The following SMURF2 variants were observed in gnomAD, a reference collection of about 807,000 sequenced individuals.
SMURF2 encodes E3 ubiquitin-protein ligase SMURF2.
Under a neutral mutation model 109.6 loss-of-function variants are expected in SMURF2, and 48 were observed. The ratio of observed to expected loss-of-function variants is 0.44; its 90% CI spans 0.35 to 0.56. The LOEUF (loss-of-function observed/expected upper bound fraction) is 0.56. Ranked by LOEUF, SMURF2 falls within the 20% of genes least tolerant of loss-of-function variation. The pLI, the probability that SMURF2 is intolerant of heterozygous loss-of-function variation, is 0.01. For missense variants in SMURF2, 575 were observed against 909.0 expected (o/e 0.63, Z 4.72); for synonymous variants, 288 against 317.1 (o/e 0.91, Z 0.97).
At chr17:64,653,575 C>T (rs1166054945) in intron 1 of SMURF2, among the ~76,000 whole-genome samples, 4 of 152,128 alleles carry the variant, frequency 2.6e-5, no homozygotes, top group Non-Finnish European at 5.9e-5. Context: ...ATCAGCTTCT[C>T]AGGTAGCTGA....
At chr17:64,649,019 G>A (rs547388083) in intron 1 of SMURF2, among the ~76,000 whole-genome samples, 4 of 152,180 alleles carry the variant, frequency 2.6e-5, no homozygotes, top group East Asian at 3.9e-4. Context: ...TTCACTGGAG[G>A]AAGAAAGTTA....
At chr17:64,651,743 T>C (rs1264185165) in intron 1 of SMURF2, among the ~76,000 whole-genome samples, 3 of 152,018 alleles carry the variant, frequency 2.0e-5, no homozygotes, top group African/African-American at 7.2e-5. Context: ...GGTAACACAG[T>C]GAGGCCCCAT....
intron 1 of SMURF2, among the ~76,000 whole-genome samples, chr17:64,628,672 TAAG>T (rs2144705051): frequency 6.6e-6 from 1 of 152,262 alleles, no homozygotes; most frequent in African/African-American, 2.4e-5. Flanking sequence ...ACTCTAACAC[TAAG>T]ACAACCAATG....
chr17:64,553,713 C>T (rs936414823), intron 15 of SMURF2, among the ~76,000 whole-genome samples: 2 of 151,980 alleles, frequency 1.3e-5, no homozygotes, highest in Admixed American at 1.3e-4. Flanking sequence ...TTTAATTGAC[C>T]GTCTTTCCCC....
chr17:64,645,850 AT>A (rs1300008678), intron 1 of SMURF2, among the ~76,000 whole-genome samples: 6 of 152,134 alleles, frequency 3.9e-5, no homozygotes, highest in African/African-American at 1.4e-4. Context: ...ACTATTACTT[AT>A]TGCTGGAATG....
chr17:64,553,117 T>C (rs1415904531), intron 15 of SMURF2, among the ~76,000 whole-genome samples: 9 of 152,180 alleles, frequency 5.9e-5, no homozygotes, highest in African/African-American at 2.2e-4. Context: ...TCTTTTACCC[T>C]CTTTCTCCTT....
At chr17:64,601,545 A>G (rs1555688574) in intron 2 of SMURF2, among the ~76,000 whole-genome samples, 2 of 152,210 alleles carry the variant, frequency 1.3e-5, no homozygotes. Flanking sequence ...AAATTTAAAA[A>G]TAACAGATGT....
Position 64,581,265 on chromosome 17 carries a change from A to G in SMURF2, c.570-274T>C, listed in dbSNP as rs960951486. Among the ~76,000 whole-genome samples, 6 of 152,166 alleles carry G rather than the reference A, an allele frequency of 3.9e-5. No individual in the cohort carries two copies. The highest frequency in any genetic ancestry group is 8.8e-5 in the Non-Finnish European group (6 of 68,030). ...ATCCATACGTATCTGTGGATGTGAG[A>G]CTGGCTTACAAAACACTGCTTGATC... On this transcript the variant is annotated intron_variant, in intron 7 of 18. Transcript: ENST00000262435. This position sits in a 1 kb window ranked among gnomAD's most constrained non-coding sequence, Gnocchi z 4.3.
chr17:64,581,087 TC>T lies in SMURF2; in HGVS notation c.570-97del, dbSNP rs1969573570. 1 of 1,085,812 alleles carries T rather than the reference TC, an allele frequency of 9.2e-7. No individual in the cohort carries two copies. Among genetic ancestry groups the T allele is most frequent in the East Asian group, 2.5e-5 (1 of 40,326 alleles). 67.3% of individuals were successfully genotyped at this position (1,085,812 alleles called of 1,614,324 possible). On this transcript the variant is annotated intron_variant, in intron 7 of 18. Coordinates refer to ENST00000262435, the MANE Select transcript of SMURF2 (RefSeq NM_022739.4). This position sits in a 1 kb window ranked among gnomAD's most constrained non-coding sequence, Gnocchi z 4.3. ...TATATACTGCAGTAACAACCACTTA[TC>T]ATGTCTGAAAACAGAATGACTAATA... is the stretch of plus-strand genomic sequence containing the variant.
intron 11 of SMURF2, 100 bp downstream of exon 11, chr17:64,562,671 C>G: frequency 1.6e-6 from 2 of 1,221,578 alleles, no homozygotes. Context: ...AGCCACCGCA[C>G]CCGGCCAATT....
intron 15 of SMURF2, 101 bp from the exon 16 acceptor site, chr17:64,551,805 T>A: frequency 7.0e-7 from 1 of 1,435,684 alleles, no homozygotes; most frequent in South Asian, 1.2e-5. Flanking sequence ...CTTACAAGCA[T>A]CTAACATTAA....
At chr17:64,650,708 T>C (rs1970624822) in intron 1 of SMURF2, among the ~76,000 whole-genome samples, 1 of 152,080 alleles carries the variant, frequency 6.6e-6, no homozygotes, top group Admixed American at 6.5e-5. Flanking sequence ...CAGGCACCTG[T>C]AATCCCAGCT....
intron 1 of SMURF2, among the ~76,000 whole-genome samples, chr17:64,660,442 AG>A (rs556806486): frequency 1.4e-4 from 22 of 152,240 alleles, no homozygotes; most frequent in Non-Finnish European, 3.1e-4. Context: ...TTTTCCATTA[AG>A]AATCACTCAG....
intron 10 of SMURF2, among the ~76,000 whole-genome samples, chr17:64,566,561 G>GTTTTTTTTTTTTTGTTTTTTTTTT (rs1969306919): frequency 2.3e-5 from 1 of 43,784 alleles, no homozygotes; most frequent in African/African-American, 7.5e-5. Flanking sequence ...AAGCTTTCTG[G>GTTTTTTTTTTTTTGTTTTTTTTTT]TTTTTTTTTT....
chr17:64,613,673 A>T (rs868978973), intron 1 of SMURF2, among the ~76,000 whole-genome samples: 1,113 of 20,790 alleles, frequency 0.054, 20 homozygotes, highest in African/African-American at 0.12. Context: ...TCCACGGACC[A>T]GTGTGTGTGT....
intron 16 of SMURF2, among the ~76,000 whole-genome samples, chr17:64,548,694 T>C (rs1398639926): frequency 1.3e-5 from 2 of 152,198 alleles, no homozygotes; most frequent in Admixed American, 6.5e-5. Context: ...GGCCTACATT[T>C]GCTTAATAAT....
At chr17:64,647,940 T>C (rs1970580607) in intron 1 of SMURF2, among the ~76,000 whole-genome samples, 1 of 151,270 alleles carries the variant, frequency 6.6e-6, no homozygotes, top group East Asian at 2.0e-4. Flanking sequence ...ACTATTGTCC[T>C]AGCTACTCAG....
chr17:64,613,544 G>T (rs1555689741), intron 1 of SMURF2, among the ~76,000 whole-genome samples: 1 of 142,592 alleles, frequency 7.0e-6, no homozygotes, highest in East Asian at 1.9e-4. Context: ...GGAGTAACAG[G>T]AGAGAAATCT....
At chr17:64,572,294 C>T (rs920615679) in intron 9 of SMURF2, among the ~76,000 whole-genome samples, 6 of 152,204 alleles carry the variant, frequency 3.9e-5, no homozygotes, top group Non-Finnish European at 8.8e-5. Context: ...AGTAATTTTA[C>T]AAGTGTCAGT....
Sources: gnomAD v4.1 joint callset for allele counts (sites outside exome capture counted in the v4.1 genomes callset) on GRCh38, gnomAD v4.1.1 for gene constraint, Gnocchi (gnomAD v3.1) non-coding constraint, MANE v1.5 for transcripts, NCBI Gene and HGNC (gene_info 2026-07-23, HGNC 2026-07-21) for gene names.